Variants in MCTP2 observed in about 807,000 individuals in gnomAD.
MCTP2 encodes multiple C2 and transmembrane domain-containing protein 2.
MCTP2 carries 132 observed loss-of-function variants against 111.6 expected under a neutral mutation model. The ratio of observed to expected loss-of-function variants is 1.18; its 90% confidence interval spans 1.03 to 1.37. The LOEUF is 1.37. Among genes scored for constraint, MCTP2 ranks in the 40% most tolerant of loss-of-function variants. The pLI is 0.00. For synonymous variants in MCTP2, 395 were observed against 387.7 expected, an observed-to-expected ratio of 1.02 and a Z score of -0.22; for missense variants, 1,183 against 1,067.9, an observed-to-expected ratio of 1.11 and a Z score of -1.50.
intron 2 of MCTP2, 31 bp downstream of exon 2, chr15:94,298,761 TGTCTC>T: frequency 7.1e-7 from 1 of 1,408,354 alleles, no homozygotes; most frequent in Non-Finnish European, 9.6e-7. Flanking sequence ...TCTTTTTTTT[TGTCTC>T]TCTCTCTCTC....
chr15:94,383,028 G>T (rs2080240993), intron 12 of MCTP2, among the ~76,000 whole-genome samples: 1 of 151,896 alleles, frequency 6.6e-6, no homozygotes, highest in Admixed American at 6.5e-5. Flanking sequence ...AAGAGGAGAG[G>T]TGAGAAGTGA....
At chr15:94,390,049 C>CATATATATATATATATATATATATAT (rs1169783409) in intron 14 of MCTP2, among the ~76,000 whole-genome samples, 1 of 109,680 alleles carries the variant, frequency 9.1e-6, no homozygotes, top group Non-Finnish European at 1.7e-5. Flanking sequence ...ATGTTCAAGG[C>CATATATATATATATATATATATATAT]ATATATATAT....
chr15:94,423,546 T>G (rs2082724564), intron 17 of MCTP2, among the ~76,000 whole-genome samples: 1 of 152,176 alleles, frequency 6.6e-6, no homozygotes, highest in African/African-American at 2.4e-5. Flanking sequence ...ATGTCGTTAT[T>G]TAAAAAGAAA....
chr15:94,414,727 A>G (rs183475572), intron 17 of MCTP2, among the ~76,000 whole-genome samples: 11 of 152,196 alleles, frequency 7.2e-5, no homozygotes, highest in African/African-American at 2.4e-4. Context: ...ATTTTTCCCA[A>G]TGACTCTCTT....
chr15:94,467,485 A>C (rs1041686014), intron 20 of MCTP2, among the ~76,000 whole-genome samples: 1 of 151,988 alleles, frequency 6.6e-6, no homozygotes, highest in Non-Finnish European at 1.5e-5. Flanking sequence ...TTACTTCTAC[A>C]GTTTAGTTTT....
intron 12 of MCTP2, among the ~76,000 whole-genome samples, chr15:94,372,666 T>A (rs1265182719): frequency 6.6e-6 from 1 of 152,166 alleles, no homozygotes; most frequent in Non-Finnish European, 1.5e-5. Context: ...CCAGGAACAT[T>A]TAAGAAATAA....
intron 1 of MCTP2, among the ~76,000 whole-genome samples, chr15:94,293,843 C>A (rs2075137310): frequency 6.6e-6 from 1 of 152,100 alleles, no homozygotes; most frequent in South Asian, 2.1e-4. Context: ...ATCATATGAC[C>A]CAGCAATCTC....
chr15:94,430,393 T>TCACACACACACA lies in MCTP2; in HGVS notation c.2086-9743_2086-9732dup, dbSNP rs35129445. Among the ~76,000 whole-genome samples, 107 of 107,194 alleles carry TCACACACACACA rather than the reference T, an allele frequency of 1.0e-3. 3 individuals carry two copies. Among genetic ancestry groups the TCACACACACACA allele is most frequent in the East Asian group, 4.0e-3 (14 of 3,474 alleles). 70.3% of individuals were successfully genotyped at this position (107,194 alleles called of 152,430 possible). A position where few individuals can be genotyped will look rare whatever the true frequency, so the allele number is the denominator to read the frequency against. ...ACAAACAAAAAAAACCCAAAAACAATCACACACACACACACACACACACAC... is the reference window on the plus strand; with the variant it reads ...ACAAACAAAAAAAACCCAAAAACAATCACACACACACACACACACACACACACACACACACAC... On this transcript the variant is annotated intron_variant, in intron 17 of 22. Coordinates refer to ENST00000357742, the MANE Select transcript of MCTP2 (RefSeq NM_001385001.1).
chr15:94,301,943 T>G (rs2075635513), intron 2 of MCTP2, among the ~76,000 whole-genome samples: 1 of 152,168 alleles, frequency 6.6e-6, no homozygotes, highest in East Asian at 1.9e-4. Context: ...TTCTTCCTAG[T>G]TAATAGCTGG....
At chr15:94,340,305 TGATGAGTTTTAGAGGGAACTTAC>T in intron 6 of MCTP2, 30 bp downstream of exon 6, 1 of 1,523,702 alleles carries the variant, frequency 6.6e-7, no homozygotes, top group South Asian at 1.1e-5. Flanking sequence ...TAATTGTTAT[TGATGAGTTTTAGAGGGAACTTAC>T]GATAATGTTA....
chr15:94,249,669 T>C (rs2072270074), intron 1 of MCTP2, among the ~76,000 whole-genome samples: 2 of 152,098 alleles, frequency 1.3e-5, no homozygotes, highest in Non-Finnish European at 1.5e-5. Flanking sequence ...GTATTTTTAG[T>C]AGAGACGGGG....
chr15:94,417,806 A>G (rs1357038254), intron 17 of MCTP2, among the ~76,000 whole-genome samples: 1 of 152,184 alleles, frequency 6.6e-6, no homozygotes, highest in Non-Finnish European at 1.5e-5. Context: ...TCCTAAAGGA[A>G]TTGTACTTTG....
intron 11 of MCTP2, among the ~76,000 whole-genome samples, chr15:94,369,676 TCCA>T (rs1052064359): frequency 3.3e-5 from 5 of 152,172 alleles, no homozygotes; most frequent in African/African-American, 1.2e-4. Context: ...TCCTCTGGAA[TCCA>T]TAAAGTTTGT....
At chr15:94,459,784 T>A (rs2085071627) in intron 20 of MCTP2, among the ~76,000 whole-genome samples, 1 of 152,340 alleles carries the variant, frequency 6.6e-6, no homozygotes, top group Admixed American at 6.5e-5. Context: ...GGTCTAAGAA[T>A]GAGAAATGCA....
intron 4 of MCTP2, among the ~76,000 whole-genome samples, chr15:94,322,971 A>G (rs893527280): frequency 1.3e-5 from 2 of 152,214 alleles, no homozygotes; most frequent in African/African-American, 4.8e-5. Flanking sequence ...CTCAGATACC[A>G]GAGTTCCCTG....
intron 3 of MCTP2, chr15:94,314,650 G>C (rs1382208840): frequency 1.9e-6 from 1 of 537,802 alleles, no homozygotes; most frequent in Admixed American, 2.4e-5. Context: ...GTCAAGGGTG[G>C]CTTAGCCACA....
At chr15:94,312,417 T>C (rs982322379) in intron 2 of MCTP2, among the ~76,000 whole-genome samples, 2 of 152,200 alleles carry the variant, frequency 1.3e-5, no homozygotes, top group Non-Finnish European at 2.9e-5. Context: ...GGAGAGGTTG[T>C]TTGGCAAAGG....
rs60905293 is a variant in MCTP2, at chr15:94,258,034, AT to A, written c.-66+26391del. On this transcript the variant is annotated intron_variant, in intron 1 of 22. Transcript: ENST00000357742. ...TGAGTACAGCACCTGCCACCATGTC[AT>A]TTTTTTTTTTTTTTTTTTTTAGTAG... 2.0e-3 allele frequency among the ~76,000 whole-genome samples: 201 copies of A among 98,972 alleles called. 1 individual carries two copies. Among genetic ancestry groups the A allele is most frequent in the African/African-American group, 3.5e-3 (87 of 25,058 alleles). The allele number at this position is 98,972 out of a possible 152,430, so 64.9% of individuals were successfully genotyped here.
chr15:94,299,576 G>A (rs191355536), intron 2 of MCTP2, among the ~76,000 whole-genome samples: 6 of 152,168 alleles, frequency 3.9e-5, no homozygotes, highest in South Asian at 2.1e-4. Context: ...TATTTCAAGG[G>A]TGAATATAAT....
Sources: gnomAD v4.1 joint callset for allele counts (sites outside exome capture counted in the v4.1 genomes callset) on GRCh38, gnomAD v4.1.1 for gene constraint, MANE v1.5 for transcripts, NCBI Gene and HGNC (gene_info 2026-07-23, HGNC 2026-07-21) for gene names.